Variants in EYS observed in about 807,000 individuals in gnomAD.
EYS encodes the protein protein eyes shut homolog.
Under a neutral mutation model 282.1 loss-of-function variants are expected in EYS, and 250 were observed. The ratio of observed to expected loss-of-function variants is 0.89; its 90% confidence interval spans 0.80 to 0.98. The LOEUF (loss-of-function observed/expected upper bound fraction) is 0.98, where lower values mean the gene tolerates loss of function less well. EYS is among the 50% of genes least tolerant of loss of function. The pLI, the probability that EYS is intolerant of heterozygous loss-of-function variation, is 0.00. For missense variants in EYS, 4,016 were observed against 3,709.0 expected (o/e 1.08, Z -2.15); for synonymous variants, 1,355 against 1,282.9 (o/e 1.06, Z -1.20).
intron 31 of EYS, among the ~76,000 whole-genome samples, chr6:64,188,904 T>A (rs1172857504): frequency 1.3e-5 from 2 of 152,196 alleles, no homozygotes; most frequent in Non-Finnish European, 2.9e-5. Flanking sequence ...TTTCATCATC[T>A]TTTTACTGCT....
chr6:64,738,292 C>T (rs1286394884), intron 22 of EYS, among the ~76,000 whole-genome samples: 4 of 152,132 alleles, frequency 2.6e-5, no homozygotes, highest in South Asian at 2.1e-4. Context: ...TAATAGTTAG[C>T]GTGTGTCTGA....
At chr6:64,393,364 T>A (rs1773231735) in intron 28 of EYS, among the ~76,000 whole-genome samples, 1 of 152,174 alleles carries the variant, frequency 6.6e-6, no homozygotes, top group African/African-American at 2.4e-5. Flanking sequence ...TTGATGAACA[T>A]TGATGCAAAA....
At chr6:64,478,057 C>T (rs1219451456) in intron 26 of EYS, among the ~76,000 whole-genome samples, 4 of 151,938 alleles carry the variant, frequency 2.6e-5, no homozygotes, top group African/African-American at 9.7e-5. Flanking sequence ...TGTGTGCATC[C>T]CTTCTACTTC....
At chr6:64,577,014 G>C (rs1407003953) in intron 26 of EYS, among the ~76,000 whole-genome samples, 1 of 152,108 alleles carries the variant, frequency 6.6e-6, no homozygotes. Context: ...GAGAATACAT[G>C]TAACGGGAGG....
chr6:64,803,026 GC>G (rs1253032395), intron 22 of EYS, among the ~76,000 whole-genome samples: 8 of 152,176 alleles, frequency 5.3e-5, no homozygotes, highest in Non-Finnish European at 1.2e-4. Flanking sequence ...ACTGCACGTA[GC>G]TCCCACTGCA....
intron 26 of EYS, among the ~76,000 whole-genome samples, chr6:64,539,319 A>AT (rs1229040578): frequency 2.6e-5 from 4 of 152,178 alleles, no homozygotes; most frequent in Non-Finnish European, 5.9e-5. Context: ...TAATATGAGT[A>AT]TTTTGGGAGG....
At chr6:65,266,738 A>G (rs963253617) in intron 12 of EYS, among the ~76,000 whole-genome samples, 2 of 151,680 alleles carry the variant, frequency 1.3e-5, no homozygotes, top group South Asian at 2.1e-4. Flanking sequence ...GTTCATTAGT[A>G]TCATGAGCTC....
intron 8 of EYS, among the ~76,000 whole-genome samples, chr6:65,378,361 C>T (rs77346942): frequency 3.9e-5 from 6 of 152,046 alleles, no homozygotes; most frequent in African/African-American, 1.2e-4. Flanking sequence ...GTTATAATGA[C>T]GATCATTAAA....
chr6:64,231,884 G>T (rs1326750177), intron 30 of EYS, among the ~76,000 whole-genome samples: 1 of 151,964 alleles, frequency 6.6e-6, no homozygotes, highest in African/African-American at 2.4e-5. Context: ...TCTTTTTAAT[G>T]TAAAAAACCT....
At chr6:64,924,349 C>T (rs1211296897) in intron 15 of EYS, among the ~76,000 whole-genome samples, 2 of 152,146 alleles carry the variant, frequency 1.3e-5, no homozygotes, top group Non-Finnish European at 2.9e-5. Context: ...TGACCCTGGG[C>T]CCAGCCCACA....
At position 63,947,556 on chromosome 6, in the gene EYS, A is replaced by G. The variant is rs551725257; in HGVS notation, c.7055+36827T>C. Among the ~76,000 whole-genome samples, 4 of 152,266 alleles carry G rather than the reference A, an allele frequency of 2.6e-5. No individual in the cohort carries two copies. The South Asian group carries it at 6.2e-4, about 24-fold the overall frequency. ...AATTTACCTACTATTAGGAATTTAC[A>G]TATATAATTGGTTTGTGAATCCCGC... On this transcript the variant is annotated intron_variant, in intron 35 of 42. Coordinates refer to ENST00000503581, the MANE Select transcript of EYS (RefSeq NM_001142800.2).
intron 2 of EYS, among the ~76,000 whole-genome samples, chr6:65,588,760 G>C (rs1383901497): frequency 6.6e-6 from 1 of 151,928 alleles, no homozygotes; most frequent in Non-Finnish European, 1.5e-5. Flanking sequence ...TCATAACTAC[G>C]TGTCTCTTGC....
chr6:64,689,511 A>T (rs1235758814), intron 22 of EYS, among the ~76,000 whole-genome samples: 2 of 152,148 alleles, frequency 1.3e-5, no homozygotes, highest in Non-Finnish European at 2.9e-5. Context: ...AAGAGCCCGC[A>T]TTGCCAAGAC....
intron 30 of EYS, among the ~76,000 whole-genome samples, chr6:64,300,838 C>T (rs1769208980): frequency 6.6e-6 from 1 of 152,178 alleles, no homozygotes; most frequent in Non-Finnish European, 1.5e-5. Context: ...ATTTACAATA[C>T]TGGCTATCAA....
intron 12 of EYS, among the ~76,000 whole-genome samples, chr6:65,175,848 T>A (rs567929826): frequency 2.6e-5 from 4 of 151,654 alleles, no homozygotes; most frequent in African/African-American, 9.6e-5. Context: ...TAGAACTTAC[T>A]AATTTACACA....
chr6:64,633,338 ATAT>A (rs1468628704), intron 22 of EYS, among the ~76,000 whole-genome samples: 11 of 152,238 alleles, frequency 7.2e-5, no homozygotes, highest in Middle Eastern at 3.4e-3. Flanking sequence ...TTTATAGATG[ATAT>A]TATTTCGTAT....
At chr6:65,059,817 C>T (rs1773518733) in intron 12 of EYS, among the ~76,000 whole-genome samples, 1 of 151,950 alleles carries the variant, frequency 6.6e-6, no homozygotes, top group Admixed American at 6.6e-5. Context: ...GTGGAGATTC[C>T]TACAGTCCTC....
intron 5 of EYS, among the ~76,000 whole-genome samples, chr6:65,414,040 C>A (rs1474127658): frequency 1.3e-5 from 2 of 152,024 alleles, no homozygotes; most frequent in African/African-American, 4.8e-5. Context: ...TGATTTATTA[C>A]AAGCAAATAG....
chr6:65,165,063 A>G (rs140858889), intron 12 of EYS, among the ~76,000 whole-genome samples: 201 of 151,400 alleles, frequency 1.3e-3, no homozygotes, highest in African/African-American at 4.4e-3. Flanking sequence ...TAAACCTATA[A>G]CAGTAGCTAT....
Sources: allele counts gnomAD v4.1 joint callset (sites outside exome capture counted in the v4.1 genomes callset), GRCh38; gene constraint gnomAD v4.1.1; transcripts MANE v1.5; gene names NCBI Gene and HGNC (gene_info 2026-07-23, HGNC 2026-07-21).